AR: variants seen among roughly 807,000 people sequenced by gnomAD.
The protein encoded by AR is androgen receptor.
A neutral mutation model predicts 53.9 loss-of-function variants in AR; 8 were observed. The ratio of observed to expected loss-of-function variants is 0.15; its 90% CI spans 0.09 to 0.27. The LOEUF is 0.27. AR is among the 10% of genes least tolerant of loss of function. AR has a pLI of 1.00. For synonymous variants in AR, 359 were observed against 316.4 expected (o/e 1.13, Z -1.43); for missense variants, 639 against 742.5 (o/e 0.86, Z 1.62).
At chrX:67,700,210 T>C (rs1306752044) in intron 3 of AR, among the ~76,000 whole-genome samples, 1 of 111,695 alleles carries the variant, frequency 9.0e-6, no homozygotes, top group African/African-American at 3.3e-5. Context: ...AACTATCCAC[T>C]TATACTTCCC....
intron 1 of AR, among the ~76,000 whole-genome samples, chrX:67,588,124 C>T (rs1266596144): frequency 1.8e-5 from 2 of 111,606 alleles, no homozygotes; most frequent in Admixed American, 1.9e-4. Context: ...TTGGCCAGCA[C>T]TCTCAACTGC....
chrX:67,642,018 C>T (rs949070353), intron 1 of AR, among the ~76,000 whole-genome samples: 1 of 110,921 alleles, frequency 9.0e-6, no homozygotes, highest in Non-Finnish European at 1.9e-5. Flanking sequence ...CAAGTCTTAA[C>T]GTTTTTCATC....
chrX:67,569,957 G>A (rs762599403), intron 1 of AR, among the ~76,000 whole-genome samples: 6 of 110,901 alleles, frequency 5.4e-5, no homozygotes, highest in Non-Finnish European at 7.6e-5. Flanking sequence ...TATTTCTCTG[G>A]GTGTATATCC....
At chrX:67,622,299 A>G (rs1924418662) in intron 1 of AR, among the ~76,000 whole-genome samples, 1 of 109,701 alleles carries the variant, frequency 9.1e-6, no homozygotes, top group Non-Finnish European at 1.9e-5. Flanking sequence ...CTGATTGGCT[A>G]TGATGGCTAG....
chrX:67,621,317 A>G (rs1924364464), intron 1 of AR, among the ~76,000 whole-genome samples: 1 of 111,467 alleles, frequency 9.0e-6, no homozygotes, highest in Non-Finnish European at 1.9e-5. Flanking sequence ...TTTGAAAAAA[A>G]TTAGATGCCC....
At chrX:67,681,574 G>T (rs921499712) in intron 2 of AR, among the ~76,000 whole-genome samples, 2 of 112,234 alleles carry the variant, frequency 1.8e-5, no homozygotes, top group Non-Finnish European at 3.8e-5. Flanking sequence ...CATAAGTGAA[G>T]TGTCAGGCAT....
chrX:67,632,595 C>T (rs1457218993), intron 1 of AR, among the ~76,000 whole-genome samples: 5 of 112,030 alleles, frequency 4.5e-5, no homozygotes, highest in African/African-American at 9.7e-5. Context: ...AGAAATCACC[C>T]GTCTTCTGCT....
At chrX:67,702,152 A>T (rs1443978851) in intron 3 of AR, among the ~76,000 whole-genome samples, 4 of 111,763 alleles carry the variant, frequency 3.6e-5, no homozygotes, top group Non-Finnish European at 7.5e-5. Flanking sequence ...TAGGGATAAG[A>T]AATATCTTTA....
chrX:67,565,686 A>G (rs1451903257), intron 1 of AR, among the ~76,000 whole-genome samples: 1 of 110,856 alleles, frequency 9.0e-6, no homozygotes, highest in Admixed American at 9.6e-5. Context: ...AAGCAACAGA[A>G]CCAGGATTTG....
At chrX:67,561,365 A>G (rs1921293567) in intron 1 of AR, among the ~76,000 whole-genome samples, 2 of 112,216 alleles carry the variant, frequency 1.8e-5, no homozygotes, top group Non-Finnish European at 3.8e-5. Flanking sequence ...TTCCATATCC[A>G]CAGATTTAAG....
At chrX:67,599,181 A>T (rs1009594152) in intron 1 of AR, among the ~76,000 whole-genome samples, 1 of 112,083 alleles carries the variant, frequency 8.9e-6, no homozygotes, top group Non-Finnish European at 1.9e-5. Context: ...CTTTGGTGGT[A>T]TAGTCTCAAA....
intron 3 of AR, among the ~76,000 whole-genome samples, chrX:67,710,437 C>T (rs1028377332): frequency 9.0e-6 from 1 of 111,335 alleles, no homozygotes; most frequent in African/African-American, 3.3e-5. Context: ...CCTTCCACCT[C>T]TGCCTCCTGA....
rs763069490 is a variant in AR, at chrX:67,558,250, A to G, written c.1616+11488A>G. Among the ~76,000 whole-genome samples, 86 of 112,467 alleles carry G rather than the reference A, an allele frequency of 7.6e-4. 1 individual carries two copies. Among genetic ancestry groups the G allele is most frequent in the Admixed American group, 1.3e-3 (14 of 10,630 alleles). On this transcript the variant is annotated intron_variant, in intron 1 of 7. Coordinates refer to ENST00000374690, the MANE Select transcript of AR (RefSeq NM_000044.6). ...TGAGAACAAAGAATTATACATAATC[A>G]TATATAATAATAATGATAGCACTTC...
intron 2 of AR, among the ~76,000 whole-genome samples, chrX:67,649,451 C>T (rs1461800570): frequency 8.9e-6 from 1 of 112,177 alleles, no homozygotes; most frequent in Non-Finnish European, 1.9e-5. Flanking sequence ...AATCTCCACA[C>T]TGTCTTCCAC....
intron 1 of AR, among the ~76,000 whole-genome samples, chrX:67,627,906 T>C (rs1924785911): frequency 8.9e-6 from 1 of 112,018 alleles, no homozygotes; most frequent in African/African-American, 3.2e-5. Context: ...CCTTGCCCCA[T>C]TGCTTATTTT....
chrX:67,574,148 C>A (rs1399805785), intron 1 of AR, among the ~76,000 whole-genome samples: 2 of 111,979 alleles, frequency 1.8e-5, no homozygotes, highest in Non-Finnish European at 3.8e-5. Flanking sequence ...TGGTGGTTTA[C>A]TTCACTTCAA....
intron 3 of AR, among the ~76,000 whole-genome samples, chrX:67,700,762 A>T (rs367826642): frequency 8.9e-6 from 1 of 112,129 alleles, no homozygotes. Context: ...TTCTCCCCAC[A>T]GTCTCTGCAC....
At chrX:67,557,947 C>A (rs1350196713) in intron 1 of AR, among the ~76,000 whole-genome samples, 4 of 111,957 alleles carry the variant, frequency 3.6e-5, no homozygotes, top group Non-Finnish European at 7.5e-5. Context: ...CTTTTAAAGG[C>A]AATTGAGCTT....
At chrX:67,677,956 G>A (rs1449800162) in intron 2 of AR, among the ~76,000 whole-genome samples, 2 of 111,649 alleles carry the variant, frequency 1.8e-5, no homozygotes, top group Non-Finnish European at 3.8e-5. Flanking sequence ...TATCTCATGT[G>A]AGAAAAGCAC....
Sources: gnomAD v4.1 joint callset for allele counts (sites outside exome capture counted in the v4.1 genomes callset) on GRCh38, gnomAD v4.1.1 for gene constraint, MANE v1.5 for transcripts, NCBI Gene and HGNC (gene_info 2026-07-23, HGNC 2026-07-21) for gene names.